ZNF827: variants seen among roughly 807,000 people sequenced by gnomAD.
ZNF827 encodes zinc finger protein 827.
A neutral mutation model predicts 102.4 loss-of-function variants in ZNF827; 13 were observed. The observed-to-expected ratio is 0.13, with a 90% confidence interval of 0.08 to 0.20. ZNF827 has a LOEUF of 0.20. Ranked by LOEUF, ZNF827 falls within the 10% of genes least tolerant of loss-of-function variation. The pLI is 1.00. For missense variants in ZNF827, 1,103 were observed against 1,344.4 expected, an observed-to-expected ratio of 0.82 and a Z score of 2.81; for synonymous variants, 523 against 536.2, an observed-to-expected ratio of 0.98 and a Z score of 0.34.
intron 1 of ZNF827, among the ~76,000 whole-genome samples, chr4:145,932,144 G>C (rs1360681254): frequency 1.3e-5 from 2 of 152,212 alleles, no homozygotes; most frequent in Non-Finnish European, 2.9e-5. Context: ...CTGGCACCTT[G>C]ATCTTGGACT....
intron 1 of ZNF827, among the ~76,000 whole-genome samples, chr4:145,919,419 G>T (rs572126388): frequency 6.6e-6 from 1 of 152,322 alleles, no homozygotes; most frequent in South Asian, 2.1e-4. Context: ...TCATGAAAGG[G>T]AGAGCTCATT....
chr4:145,935,146 C>G (rs1754068985), intron 1 of ZNF827, among the ~76,000 whole-genome samples: 1 of 152,110 alleles, frequency 6.6e-6, no homozygotes, highest in African/African-American at 2.4e-5. Flanking sequence ...GAGATGACTT[C>G]TAGGAGGAAT....
chr4:145,827,515 T>A (rs898047764), intron 7 of ZNF827, among the ~76,000 whole-genome samples: 2 of 152,230 alleles, frequency 1.3e-5, no homozygotes, highest in South Asian at 4.1e-4. Context: ...TCGCCACTGC[T>A]GTACCTACAG....
intron 8 of ZNF827, among the ~76,000 whole-genome samples, chr4:145,799,575 A>T (rs777732105): frequency 6.6e-6 from 1 of 152,218 alleles, no homozygotes; most frequent in East Asian, 1.9e-4. Context: ...AAAACCAGAC[A>T]TCTGAGCAGA....
rs1425736215 is a variant in ZNF827, at chr4:145,858,619, G to C, written c.1982-9058C>G. Among the ~76,000 whole-genome samples the C allele has an allele frequency of 2.0e-5, 3 of 149,310 alleles. 1 individual carries two copies. The highest frequency in any genetic ancestry group is 4.4e-5 in the Non-Finnish European group (3 of 67,590). ...ATTGTGCCACTACACTCCAGCCTGG[G>C]TGACACAGAGAGACCCTGTCTCAAA... On this transcript the variant is annotated intron_variant, in intron 5 of 14. Coordinates refer to ENST00000508784, the MANE Select transcript of ZNF827 (RefSeq NM_001306215.2).
At chr4:145,887,956 G>GT (rs1750260794) in intron 3 of ZNF827, among the ~76,000 whole-genome samples, 10 of 152,304 alleles carry the variant, frequency 6.6e-5, no homozygotes, top group Admixed American at 5.2e-4. Context: ...GAGGAGGGGA[G>GT]CTAATCCAAG....
chr4:145,766,110 AT>A (rs2043682846), intron 11 of ZNF827, among the ~76,000 whole-genome samples: 1 of 152,268 alleles, frequency 6.6e-6, no homozygotes, highest in South Asian at 2.1e-4. Flanking sequence ...TATCAGCCCC[AT>A]TTTACGATGA....
At chr4:145,881,335 T>C (rs1293234268) in intron 4 of ZNF827, among the ~76,000 whole-genome samples, 1 of 152,236 alleles carries the variant, frequency 6.6e-6, no homozygotes, top group Non-Finnish European at 1.5e-5. Flanking sequence ...ATTATTTTGG[T>C]CTCAATTTTA....
chr4:145,890,931 A>G (rs1750542264), intron 3 of ZNF827, among the ~76,000 whole-genome samples: 1 of 152,208 alleles, frequency 6.6e-6, no homozygotes, highest in Non-Finnish European at 1.5e-5. Context: ...CTTCCAAGCT[A>G]TTTCCTAAAG....
At chr4:145,803,924 AT>A (rs35773926) in intron 8 of ZNF827, among the ~76,000 whole-genome samples, 55,047 of 150,758 alleles carry the variant, frequency 0.37, 11,447 homozygotes, top group Non-Finnish European at 0.48. Context: ...CTAACTTCAT[AT>A]TTTTTTTTTG....
intron 1 of ZNF827, among the ~76,000 whole-genome samples, chr4:145,930,348 C>T (rs1034137518): frequency 6.6e-6 from 1 of 152,212 alleles, no homozygotes; most frequent in Non-Finnish European, 1.5e-5. Flanking sequence ...AAACATTTCA[C>T]CCTGAGATCC....
Position 145,776,093 on chromosome 4 carries a change from C to A in ZNF827, c.2522-133G>T, listed in dbSNP as rs965370103. Reference sequence around the variant, plus strand: ...ATTTCAGATGGAGACAATGGTAATGCCTAGGAATTGTAAGTATCTAAAAGT... The same window carrying A: ...ATTTCAGATGGAGACAATGGTAATGACTAGGAATTGTAAGTATCTAAAAGT... On this transcript the variant is annotated intron_variant, in intron 9 of 14. Coordinates refer to ENST00000508784, the MANE Select transcript of ZNF827 (RefSeq NM_001306215.2). The A allele has an allele frequency of 1.2e-5, 12 of 995,026 alleles. No individual in the cohort carries two copies. In the East Asian group the frequency reaches 3.0e-4, roughly 25 times the overall value. The allele number at this position is 995,026 out of a possible 1,614,324, so 61.6% of individuals were successfully genotyped here.
At chr4:145,910,486 G>A (rs1262111066) in intron 1 of ZNF827, among the ~76,000 whole-genome samples, 1 of 151,994 alleles carries the variant, frequency 6.6e-6, no homozygotes, top group Non-Finnish European at 1.5e-5. Flanking sequence ...TTCATTCTCG[G>A]ATTCCGTTGG....
At chr4:145,776,341 G>T (rs913237875) in intron 9 of ZNF827, among the ~76,000 whole-genome samples, 4 of 151,956 alleles carry the variant, frequency 2.6e-5, no homozygotes, top group Non-Finnish European at 5.9e-5. Flanking sequence ...CGTGCCTGTA[G>T]TCCCAGCTAC....
intron 7 of ZNF827, among the ~76,000 whole-genome samples, chr4:145,841,569 A>G (rs1745421043): frequency 6.6e-6 from 1 of 152,182 alleles, no homozygotes; most frequent in South Asian, 2.1e-4. Context: ...GGCATTAACA[A>G]CACTCAGTCC....
chr4:145,838,914 G>A (rs1027667698), intron 7 of ZNF827, among the ~76,000 whole-genome samples: 4 of 151,944 alleles, frequency 2.6e-5, no homozygotes, highest in South Asian at 2.1e-4. Flanking sequence ...GAAAAGACTC[G>A]GTCTTTTAAA....
intron 5 of ZNF827, among the ~76,000 whole-genome samples, chr4:145,858,572 T>C (rs1747396250): frequency 6.7e-6 from 1 of 149,968 alleles, no homozygotes; most frequent in Non-Finnish European, 1.5e-5. Context: ...AGGCCAGGAG[T>C]TTGTGGCTGT....
At chr4:145,924,782 C>T (rs897071969) in intron 1 of ZNF827, among the ~76,000 whole-genome samples, 3 of 152,194 alleles carry the variant, frequency 2.0e-5, no homozygotes, top group African/African-American at 7.2e-5. Context: ...TTATCTGGGC[C>T]AACCCCTTCC....
At chr4:145,764,303 A>G (rs892458823) in intron 13 of ZNF827, among the ~76,000 whole-genome samples, 1 of 152,096 alleles carries the variant, frequency 6.6e-6, no homozygotes, top group African/African-American at 2.4e-5. Context: ...ACATTTCTTG[A>G]GGGTGGAAAT....
Sources: gnomAD v4.1 joint callset for allele counts (sites outside exome capture counted in the v4.1 genomes callset) on GRCh38, gnomAD v4.1.1 for gene constraint, MANE v1.5 for transcripts, NCBI Gene and HGNC (gene_info 2026-07-23, HGNC 2026-07-21) for gene names.